PRKG1: variants seen among roughly 807,000 people sequenced by gnomAD.
The protein encoded by PRKG1 is cGMP-dependent protein kinase 1.
Under a neutral mutation model 88.1 loss-of-function variants are expected in PRKG1, and 35 were observed. The ratio of observed to expected loss-of-function variants is 0.40; its 90% CI spans 0.30 to 0.53. The LOEUF (loss-of-function observed/expected upper bound fraction) is 0.53. PRKG1 is among the 20% of genes least tolerant of loss of function. The probability of loss-of-function intolerance (pLI) is 0.59; values close to 1 mark genes in which losing one functional copy is unlikely to be tolerated. For missense variants in PRKG1, 540 were observed against 839.8 expected, an observed-to-expected ratio of 0.64 and a Z score of 4.41; for synonymous variants, 303 against 292.5, an observed-to-expected ratio of 1.04 and a Z score of -0.37.
At chr10:51,446,430 C>T (rs1839274420) in intron 2 of PRKG1, among the ~76,000 whole-genome samples, 1 of 151,862 alleles carries the variant, frequency 6.6e-6, no homozygotes, top group South Asian at 2.1e-4. Flanking sequence ...CTTCCTAGTT[C>T]TTGATTATCT....
At chr10:52,284,141 A>G (rs74133305) in intron 14 of PRKG1, among the ~76,000 whole-genome samples, 3,621 of 152,090 alleles carry the variant, frequency 0.024, 129 homozygotes, top group African/African-American at 0.083. Context: ...CTGGAATATA[A>G]TAAAACTTGG....
intron 3 of PRKG1, among the ~76,000 whole-genome samples, chr10:51,704,068 C>T (rs10998992): frequency 0.021 from 3,191 of 148,652 alleles, 55 homozygotes; most frequent in Non-Finnish European, 0.032. Context: ...TGCTTGAACC[C>T]GGGATGTGGA....
At chr10:52,049,744 A>G (rs1484780389) in intron 5 of PRKG1, among the ~76,000 whole-genome samples, 1 of 152,068 alleles carries the variant, frequency 6.6e-6, no homozygotes, top group African/African-American at 2.4e-5. Flanking sequence ...AAGCCTTTCT[A>G]ATAGACTGAC....
intron 9 of PRKG1, among the ~76,000 whole-genome samples, chr10:52,201,815 G>A (rs1321565192): frequency 6.6e-6 from 1 of 151,940 alleles, no homozygotes; most frequent in Non-Finnish European, 1.5e-5. Flanking sequence ...TGTGTGGGTG[G>A]CTACTGTGAA....
At chr10:51,257,272 G>C (rs551221432) in intron 2 of PRKG1, among the ~76,000 whole-genome samples, 21 of 151,952 alleles carry the variant, frequency 1.4e-4, no homozygotes, top group African/African-American at 4.6e-4. Context: ...CTGGAGACGT[G>C]CAAATGCATT....
At chr10:51,437,761 G>A (rs1464862845) in intron 2 of PRKG1, among the ~76,000 whole-genome samples, 1 of 150,968 alleles carries the variant, frequency 6.6e-6, no homozygotes, top group Non-Finnish European at 1.5e-5. Context: ...TTAAACAGAG[G>A]TGACCTGCCT....
Position 52,007,743 on chromosome 10 carries a change from C to T in PRKG1, c.763-46741C>T, listed in dbSNP as rs147138059. On this transcript the variant is annotated intron_variant, in intron 5 of 17. Transcript: ENST00000373980. ...GAGGCAGAAAATTAACAAAAATATTCAGGACTTGAACTCAATACTTGCCCA... is the reference window on the plus strand; with the variant it reads ...GAGGCAGAAAATTAACAAAAATATTTAGGACTTGAACTCAATACTTGCCCA... Among the ~76,000 whole-genome samples, 484 of 152,246 alleles carry T rather than the reference C, an allele frequency of 3.2e-3. 4 individuals are homozygous for T. Among genetic ancestry groups the T allele is most frequent in the African/African-American group, 0.011 (437 of 41,546 alleles).
At chr10:52,096,074 A>G (rs1345152575) in intron 7 of PRKG1, among the ~76,000 whole-genome samples, 1 of 152,136 alleles carries the variant, frequency 6.6e-6, no homozygotes, top group African/African-American at 2.4e-5. Flanking sequence ...CAACATCTGT[A>G]CTTAGAGGCT....
chr10:51,704,556 G>A (rs1272661671), intron 3 of PRKG1, among the ~76,000 whole-genome samples: 1 of 152,172 alleles, frequency 6.6e-6, no homozygotes, highest in East Asian at 1.9e-4. Flanking sequence ...ATGTAGAGAT[G>A]GAAGAGAGTG....
At chr10:51,491,966 T>C (rs947660647) in intron 3 of PRKG1, among the ~76,000 whole-genome samples, 2 of 152,160 alleles carry the variant, frequency 1.3e-5, no homozygotes, top group African/African-American at 2.4e-5. Context: ...GCGATGGTTT[T>C]CTTGAGGAAA....
intron 2 of PRKG1, among the ~76,000 whole-genome samples, chr10:51,375,104 T>C (rs1015111689): frequency 1.3e-5 from 2 of 152,218 alleles, no homozygotes; most frequent in African/African-American, 4.8e-5. Context: ...AATGTACCTA[T>C]TCTACTTACA....
intron 3 of PRKG1, among the ~76,000 whole-genome samples, chr10:51,650,183 A>C (rs772108734): frequency 3.2e-4 from 49 of 152,310 alleles, no homozygotes; most frequent in South Asian, 1.2e-3. Flanking sequence ...GAGAGAACCT[A>C]TCCAGCCTGC....
At chr10:51,745,098 T>A (rs1312108417) in intron 3 of PRKG1, among the ~76,000 whole-genome samples, 1 of 152,200 alleles carries the variant, frequency 6.6e-6, no homozygotes, top group Non-Finnish European at 1.5e-5. Flanking sequence ...TATCAAAACA[T>A]TCTAAAGATT....
intron 1 of PRKG1, among the ~76,000 whole-genome samples, chr10:51,084,587 T>C (rs889640271): frequency 3.3e-5 from 5 of 152,202 alleles, no homozygotes; most frequent in East Asian, 1.9e-4. Context: ...GAGAAAATAA[T>C]GTAAGCTATT....
intron 3 of PRKG1, among the ~76,000 whole-genome samples, chr10:51,586,927 A>G (rs971732469): frequency 2.0e-5 from 3 of 152,140 alleles, no homozygotes; most frequent in African/African-American, 7.2e-5. Context: ...TTCATGTCTC[A>G]AGATAGACTA....
chr10:51,032,246 CA>C (rs1759540046), intron 1 of PRKG1, among the ~76,000 whole-genome samples: 1 of 152,112 alleles, frequency 6.6e-6, no homozygotes, highest in Non-Finnish European at 1.5e-5. Context: ...AGCTCATTGG[CA>C]CCACCCCTCT....
At chr10:51,329,449 A>G (rs943478402) in intron 2 of PRKG1, among the ~76,000 whole-genome samples, 9 of 152,206 alleles carry the variant, frequency 5.9e-5, no homozygotes, top group Admixed American at 5.2e-4. Context: ...TACAAAAGAC[A>G]TAAGTAATTT....
chr10:51,386,177 G>T (rs1205203463), intron 2 of PRKG1, among the ~76,000 whole-genome samples: 1 of 152,068 alleles, frequency 6.6e-6, no homozygotes, highest in Non-Finnish European at 1.5e-5. Flanking sequence ...CAGTCTTTCA[G>T]ATCCCATGGT....
At chr10:51,570,630 A>G (rs1271456787) in intron 3 of PRKG1, among the ~76,000 whole-genome samples, 2 of 151,890 alleles carry the variant, frequency 1.3e-5, no homozygotes, top group African/African-American at 4.8e-5. Flanking sequence ...TGGAAATTAT[A>G]TACTTAAACC....
Sources: allele counts gnomAD v4.1 joint callset (sites outside exome capture counted in the v4.1 genomes callset), GRCh38; gene constraint gnomAD v4.1.1; transcripts MANE v1.5; gene names NCBI Gene and HGNC (gene_info 2026-07-23, HGNC 2026-07-21).